ARL15: variants seen among roughly 807,000 people sequenced by gnomAD.
The protein encoded by ARL15 is ARF like GTPase 15.
In ARL15, 19 loss-of-function variants were observed where a neutral mutation model predicts 25.2. The ratio of observed to expected loss-of-function variants is 0.75; its 90% CI spans 0.53 to 1.10. ARL15 has a LOEUF of 1.10. ARL15 is among the 50% of genes least tolerant of loss of function. The pLI is 0.00. For synonymous variants in ARL15, 94 were observed against 86.8 expected (o/e 1.08, Z -0.46); for missense variants, 220 against 246.0 (o/e 0.89, Z 0.71).
intron 4 of ARL15, among the ~76,000 whole-genome samples, chr5:54,056,746 T>C (rs566043973): frequency 6.6e-6 from 1 of 152,070 alleles, no homozygotes; most frequent in South Asian, 2.1e-4. Flanking sequence ...TGTGATGGAA[T>C]AATCACATAC....
chr5:54,303,755 GA>G (rs1253533295), intron 1 of ARL15, among the ~76,000 whole-genome samples: 4 of 140,014 alleles, frequency 2.9e-5, no homozygotes, highest in African/African-American at 1.1e-4. Context: ...GAGGGGAAAG[GA>G]GGGGAAGGGA....
At chr5:53,936,178 G>C (rs936900191) in intron 4 of ARL15, among the ~76,000 whole-genome samples, 4 of 152,164 alleles carry the variant, frequency 2.6e-5, no homozygotes, top group African/African-American at 9.7e-5. Flanking sequence ...TTCATGTTAG[G>C]CCTCTTTTCC....
At chr5:54,092,070 A>ACACAC (rs746618758) in intron 4 of ARL15, among the ~76,000 whole-genome samples, 109 of 151,576 alleles carry the variant, frequency 7.2e-4, no homozygotes, top group South Asian at 2.5e-3. Flanking sequence ...ACACACACAC[A>ACACAC]CACCACCACC....
At chr5:53,990,309 T>A (rs1748442438) in intron 4 of ARL15, among the ~76,000 whole-genome samples, 1 of 152,156 alleles carries the variant, frequency 6.6e-6, no homozygotes, top group Admixed American at 6.5e-5. Context: ...AATTGTTACA[T>A]AAAAGAATGC....
intron 3 of ARL15, among the ~76,000 whole-genome samples, chr5:54,131,900 C>T (rs953197241): frequency 1.4e-5 from 2 of 145,746 alleles, no homozygotes; most frequent in Non-Finnish European, 3.0e-5. Flanking sequence ...AAGACTCCGT[C>T]TCAAAAAAAA....
At chr5:53,922,547 C>A (rs75153419) in intron 4 of ARL15, among the ~76,000 whole-genome samples, 4 of 152,096 alleles carry the variant, frequency 2.6e-5, no homozygotes, top group African/African-American at 4.8e-5. Context: ...CCAGAATGAA[C>A]GTTGGTGGCA....
chr5:54,022,712 T>C (rs77094919), intron 4 of ARL15, among the ~76,000 whole-genome samples: 3,618 of 152,320 alleles, frequency 0.024, 58 homozygotes, highest in Non-Finnish European at 0.036. Flanking sequence ...TCAGGCCCTT[T>C]TTTGAGTCTC....
intron 1 of ARL15, among the ~76,000 whole-genome samples, chr5:54,221,833 A>ATG (rs1756382617): frequency 9.4e-6 from 1 of 106,300 alleles, no homozygotes; most frequent in African/African-American, 4.8e-5. Context: ...ATGCACACAC[A>ATG]CACACACACA....
At chr5:54,300,892 T>C (rs1226256612) in intron 1 of ARL15, among the ~76,000 whole-genome samples, 1 of 152,174 alleles carries the variant, frequency 6.6e-6, no homozygotes, top group East Asian at 1.9e-4. Context: ...CTAGCTGGGC[T>C]CTGCAGCTTC....
rs142481274 is a variant in ARL15 at position 54,042,258 on chromosome 5, C to T, written c.462+70944G>A. Among the ~76,000 whole-genome samples the T allele has an allele frequency of 4.0e-3, 603 of 152,246 alleles. 8 individuals are homozygous for T. Among genetic ancestry groups the T allele is most frequent in the African/African-American group, 0.014 (562 of 41,546 alleles). On this transcript the variant is annotated intron_variant, in intron 4 of 4. Coordinates refer to ENST00000504924, the MANE Select transcript of ARL15 (RefSeq NM_019087.3). ...TGCTGGGATTACAGGCGTGAGCCACCGCACCCAGCTCTTTCATTTTGTTGT... is the reference window on the plus strand; with the variant it reads ...TGCTGGGATTACAGGCGTGAGCCACTGCACCCAGCTCTTTCATTTTGTTGT...
intron 4 of ARL15, among the ~76,000 whole-genome samples, chr5:54,108,816 A>G (rs1752658221): frequency 6.6e-6 from 1 of 152,024 alleles, no homozygotes; most frequent in Admixed American, 6.6e-5. Context: ...AAGTAGTTAT[A>G]ATTAAATGTG....
intron 4 of ARL15, among the ~76,000 whole-genome samples, chr5:54,091,818 G>C (rs867966719): frequency 3.3e-5 from 5 of 152,122 alleles, no homozygotes; most frequent in Admixed American, 6.5e-5. Context: ...CTGGTCCCAG[G>C]CATCAGCTAG....
chr5:53,971,089 TA>T (rs915036932), intron 4 of ARL15, among the ~76,000 whole-genome samples: 8 of 151,418 alleles, frequency 5.3e-5, no homozygotes, highest in African/African-American at 1.2e-4. Context: ...GGCTGGCATT[TA>T]AAAAAAAATT....
intron 1 of ARL15, among the ~76,000 whole-genome samples, chr5:54,197,051 A>G (rs2112471232): frequency 6.6e-6 from 1 of 152,292 alleles, no homozygotes; most frequent in East Asian, 1.9e-4. Context: ...GGAAACAGAT[A>G]AGTTCATTTC....
At chr5:54,201,900 A>C (rs1463607112) in intron 1 of ARL15, among the ~76,000 whole-genome samples, 1 of 152,188 alleles carries the variant, frequency 6.6e-6, no homozygotes, top group African/African-American at 2.4e-5. Context: ...TCAGAAATTT[A>C]AAATTATATA....
At chr5:53,932,607 C>T (rs1297996924) in intron 4 of ARL15, among the ~76,000 whole-genome samples, 2 of 152,154 alleles carry the variant, frequency 1.3e-5, no homozygotes, top group Non-Finnish European at 2.9e-5. Flanking sequence ...AGACTCCGTG[C>T]CTTGATCAAG....
At chr5:53,955,086 A>C (rs190378193) in intron 4 of ARL15, among the ~76,000 whole-genome samples, 1 of 150,306 alleles carries the variant, frequency 6.7e-6, no homozygotes, top group Non-Finnish European at 1.5e-5. Flanking sequence ...TATCGAGCAC[A>C]TTTCATGTGC....
chr5:54,079,977 A>G (rs1751739560), intron 4 of ARL15, among the ~76,000 whole-genome samples: 1 of 104,722 alleles, frequency 9.5e-6, no homozygotes, highest in African/African-American at 5.6e-5. Context: ...TCACACACAC[A>G]CACACACACA....
chr5:53,928,668 A>G (rs1746106503), intron 4 of ARL15, among the ~76,000 whole-genome samples: 1 of 152,204 alleles, frequency 6.6e-6, no homozygotes, highest in South Asian at 2.1e-4. Flanking sequence ...GTATATGGAC[A>G]TATTTATGGG....
Sources: gnomAD v4.1 joint callset for allele counts (sites outside exome capture counted in the v4.1 genomes callset) on GRCh38, gnomAD v4.1.1 for gene constraint, MANE v1.5 for transcripts, NCBI Gene and HGNC (gene_info 2026-07-23, HGNC 2026-07-21) for gene names.